The following SPSB4 variants were observed in gnomAD, a reference collection of about 807,000 sequenced individuals.
SPSB4 encodes the protein splA/ryanodine receptor domain and SOCS box containing 4.
A neutral mutation model predicts 20.9 loss-of-function variants in SPSB4; 21 were observed. The observed-to-expected ratio is 1.01, with a 90% CI of 0.71 to 1.45. The LOEUF (loss-of-function observed/expected upper bound fraction) is 1.45, where lower values mean the gene tolerates loss of function less well. Ranked by LOEUF, SPSB4 falls within the 40% of genes most tolerant of loss-of-function variation. SPSB4 has a pLI of 0.00. For missense variants in SPSB4, 399 were observed against 399.2 expected (o/e 1.00, Z 0.00); for synonymous variants, 207 against 183.8 (o/e 1.13, Z -1.02).
intron 2 of SPSB4, among the ~76,000 whole-genome samples, chr3:141,128,908 C>T (rs1432584506): frequency 6.6e-6 from 1 of 152,096 alleles, no homozygotes; most frequent in Non-Finnish European, 1.5e-5. Flanking sequence ...GAGGTGGGTA[C>T]CATCCTGTTT....
intron 2 of SPSB4, among the ~76,000 whole-genome samples, chr3:141,128,373 T>C (rs1421779565): frequency 6.6e-6 from 1 of 152,090 alleles, no homozygotes; most frequent in Non-Finnish European, 1.5e-5. Flanking sequence ...GCCAAAGCCC[T>C]GACAAACACT....
intron 2 of SPSB4, among the ~76,000 whole-genome samples, chr3:141,075,787 T>A (rs1474838905): frequency 6.6e-6 from 1 of 151,704 alleles, no homozygotes; most frequent in East Asian, 1.9e-4. Flanking sequence ...TGGCTCACGC[T>A]TGTAATCCCA....
rs370946145 is a variant in SPSB4, at chr3:141,091,999, C to G, written c.694+25201C>G. Among the ~76,000 whole-genome samples the G allele has an allele frequency of 1.3e-4, 20 of 152,322 alleles. 1 individual carries two copies. The highest frequency in any genetic ancestry group is 4.8e-4 in the African/African-American group (20 of 41,570). On this transcript the variant is annotated intron_variant, in intron 2 of 2. Transcript: ENST00000310546. The stretch of plus-strand genomic sequence containing the variant: ...CCCAGATGCTGCTTTTCTCAGTAGT[C>G]AGTGTAACATGGAACACAGCAGGGA...
intron 2 of SPSB4, among the ~76,000 whole-genome samples, chr3:141,069,946 C>G (rs545665222): frequency 6.6e-6 from 1 of 152,190 alleles, no homozygotes; most frequent in African/African-American, 2.4e-5. Flanking sequence ...GGGCTCACTA[C>G]GTTTAACTCT....
At chr3:141,120,109 A>C (rs1260560743) in intron 2 of SPSB4, among the ~76,000 whole-genome samples, 2 of 152,158 alleles carry the variant, frequency 1.3e-5, no homozygotes, top group Non-Finnish European at 2.9e-5. Flanking sequence ...ATTCTGGTAC[A>C]TTCTGTCTTT....
intron 2 of SPSB4, among the ~76,000 whole-genome samples, chr3:141,081,642 C>T (rs1938232805): frequency 6.6e-6 from 1 of 151,378 alleles, no homozygotes; most frequent in Non-Finnish European, 1.5e-5. Flanking sequence ...GGGCCAGGAG[C>T]TCTGCGGGGG....
chr3:141,124,335 C>T (rs956560550), intron 2 of SPSB4, among the ~76,000 whole-genome samples: 1 of 152,182 alleles, frequency 6.6e-6, no homozygotes, highest in Non-Finnish European at 1.5e-5. Context: ...AGTTTGAGGG[C>T]AGGGAGACCA....
chr3:141,074,326 C>T (rs562913424), intron 2 of SPSB4, among the ~76,000 whole-genome samples: 2 of 152,220 alleles, frequency 1.3e-5, no homozygotes, highest in South Asian at 2.1e-4. Context: ...GTGCCTAGAA[C>T]GTAGCTACTG....
chr3:141,055,821 G>A (rs1576511774), intron 1 of SPSB4, among the ~76,000 whole-genome samples: 1 of 152,188 alleles, frequency 6.6e-6, no homozygotes, highest in Non-Finnish European at 1.5e-5. Context: ...GTGTGCCCAT[G>A]GTAGGAGGCT....
chr3:141,106,394 C>T (rs1938690650), intron 2 of SPSB4, among the ~76,000 whole-genome samples: 1 of 152,138 alleles, frequency 6.6e-6, no homozygotes, highest in South Asian at 2.1e-4. Context: ...GCTTTTCACC[C>T]TCCCTGGGAT....
chr3:141,081,713 T>A (rs895694506), intron 2 of SPSB4, among the ~76,000 whole-genome samples: 4 of 152,100 alleles, frequency 2.6e-5, no homozygotes, highest in Non-Finnish European at 4.4e-5. Context: ...TAGCTCTGTG[T>A]CCTTGGGGAC....
intron 2 of SPSB4, among the ~76,000 whole-genome samples, chr3:141,073,735 G>T (rs980519465): frequency 6.6e-6 from 1 of 152,192 alleles, no homozygotes; most frequent in African/African-American, 2.4e-5. Flanking sequence ...GCCACAGGGG[G>T]ACTTGAGTCA....
At chr3:141,082,487 C>G (rs1279140051) in intron 2 of SPSB4, among the ~76,000 whole-genome samples, 1 of 152,224 alleles carries the variant, frequency 6.6e-6, no homozygotes, top group African/African-American at 2.4e-5. Context: ...ACATGCAGAA[C>G]ACAGAGAGGA....
intron 2 of SPSB4, among the ~76,000 whole-genome samples, chr3:141,099,885 AGG>A (rs1310475508): frequency 3.3e-5 from 5 of 152,220 alleles, no homozygotes; most frequent in Non-Finnish European, 5.9e-5. Context: ...CCCTTCCATT[AGG>A]GACTGTTATA....
chr3:141,113,156 A>G (rs987592218), intron 2 of SPSB4, among the ~76,000 whole-genome samples: 4 of 152,212 alleles, frequency 2.6e-5, no homozygotes, highest in Non-Finnish European at 4.4e-5. Context: ...AGAAAATAAC[A>G]AATGGGGAAG....
chr3:141,135,750 C>T (rs567133522), intron 2 of SPSB4, among the ~76,000 whole-genome samples: 2 of 152,146 alleles, frequency 1.3e-5, no homozygotes, highest in Middle Eastern at 3.4e-3. Flanking sequence ...CATTGTTGGA[C>T]ATTTGGGTTG....
chr3:141,138,959 T>C (rs1179879545), intron 2 of SPSB4, among the ~76,000 whole-genome samples: 5 of 152,196 alleles, frequency 3.3e-5, no homozygotes, highest in Non-Finnish European at 7.3e-5. Flanking sequence ...ATTATTATTG[T>C]GTGGGTGTCT....
rs923995747 is a variant in SPSB4, at chr3:141,063,444, T to C, written c.-153-2508T>C. Among the ~76,000 whole-genome samples, 16 of 152,246 alleles carry C rather than the reference T, an allele frequency of 1.1e-4. 1 individual carries two copies. Among genetic ancestry groups the C allele is most frequent in the African/African-American group, 4.8e-5 (2 of 41,472 alleles). ...CTTGCTTTCTAACAAAATCTTTCAG[T>C]ATATGATCTGTTTTATTTTGTATTA... On this transcript the variant is annotated intron_variant, in intron 1 of 2. Coordinates refer to ENST00000310546, the MANE Select transcript of SPSB4 (RefSeq NM_080862.3).
chr3:141,094,476 G>C (rs1257736164), intron 2 of SPSB4, among the ~76,000 whole-genome samples: 1 of 152,198 alleles, frequency 6.6e-6, no homozygotes, highest in Non-Finnish European at 1.5e-5. Flanking sequence ...AGGGAGCTGA[G>C]CTAGACAGCT....
Sources: allele counts gnomAD v4.1 joint callset (sites outside exome capture counted in the v4.1 genomes callset), GRCh38; gene constraint gnomAD v4.1.1; transcripts MANE v1.5; gene names NCBI Gene and HGNC (gene_info 2026-07-23, HGNC 2026-07-21).